Variants in SCHIP1 observed in about 807,000 individuals in gnomAD.
SCHIP1 encodes schwannomin-interacting protein 1.
In SCHIP1, 8 loss-of-function variants were observed where a neutral mutation model predicts 29.7. That is an observed-to-expected ratio of 0.27 (90% CI 0.16 to 0.49). SCHIP1 has a LOEUF of 0.49. SCHIP1 is among the 20% of genes least tolerant of loss of function. The pLI is 0.99. For missense variants in SCHIP1, 193 were observed against 294.6 expected (o/e 0.66, Z 2.52); for synonymous variants, 76 against 94.9 (o/e 0.80, Z 1.16).
chr3:159,277,874 C>T, the SCHIP1 span, among the ~76,000 whole-genome samples: 1 of 151,582 alleles, frequency 6.6e-6, no homozygotes, highest in Non-Finnish European at 1.5e-5. Context: ...GAGATCATAC[C>T]ATTGCACTCC....
At chr3:159,341,609 G>T in the SCHIP1 span, among the ~76,000 whole-genome samples, 1 of 152,144 alleles carries the variant, frequency 6.6e-6, no homozygotes, top group Non-Finnish European at 1.5e-5. Flanking sequence ...TGTGGGAGGA[G>T]CCATAGGTCT....
chr3:159,673,304 C>G, the SCHIP1 span, among the ~76,000 whole-genome samples: 2 of 152,220 alleles, frequency 1.3e-5, no homozygotes, highest in Non-Finnish European at 2.9e-5. Flanking sequence ...CTGCATGGCC[C>G]TGCTCTGGAG....
At chr3:159,502,078 G>C in the SCHIP1 span, among the ~76,000 whole-genome samples, 6 of 152,156 alleles carry the variant, frequency 3.9e-5, no homozygotes, top group Admixed American at 1.3e-4. Context: ...TTTGTAGAAA[G>C]TCAATGAATA....
At chr3:159,468,777 A>ATATATATATATATTT in the SCHIP1 span, among the ~76,000 whole-genome samples, 2 of 127,350 alleles carry the variant, frequency 1.6e-5, no homozygotes, top group African/African-American at 6.1e-5. Context: ...ATATATATAT[A>ATATATATATATATTT]TTTTTTTTAG....
At chr3:159,284,371 T>C in the SCHIP1 span, among the ~76,000 whole-genome samples, 1 of 152,198 alleles carries the variant, frequency 6.6e-6, no homozygotes, top group African/African-American at 2.4e-5. Context: ...TTAATATTTA[T>C]AATTTTGTTA....
the SCHIP1 span, among the ~76,000 whole-genome samples, chr3:159,530,542 A>C: frequency 1.3e-5 from 2 of 152,112 alleles, no homozygotes; most frequent in South Asian, 2.1e-4. Flanking sequence ...ATTCCTGGAA[A>C]TATCCATCTC....
chr3:159,848,727 T>G (rs1053428801), intron 1 of SCHIP1, among the ~76,000 whole-genome samples: 2 of 152,172 alleles, frequency 1.3e-5, no homozygotes, highest in African/African-American at 2.4e-5. Flanking sequence ...AGGGCTTACA[T>G]TTCTAGAAAG....
chr3:159,276,611 A>G, the SCHIP1 span, among the ~76,000 whole-genome samples: 1 of 152,218 alleles, frequency 6.6e-6, no homozygotes, highest in Non-Finnish European at 1.5e-5. Context: ...CTAACTAGGT[A>G]TGACCTGACT....
chr3:159,399,669 C>A, the SCHIP1 span, among the ~76,000 whole-genome samples: 1 of 152,026 alleles, frequency 6.6e-6, no homozygotes, highest in East Asian at 1.9e-4. Flanking sequence ...GATGAATCAC[C>A]TGAGAATGAA....
At chr3:159,394,097 A>G in the SCHIP1 span, among the ~76,000 whole-genome samples, 2 of 151,244 alleles carry the variant, frequency 1.3e-5, no homozygotes, top group African/African-American at 4.9e-5. Context: ...GAGTTCACTC[A>G]TGATTTGGCT....
chr3:159,506,496 T>A, the SCHIP1 span, among the ~76,000 whole-genome samples: 1 of 152,354 alleles, frequency 6.6e-6, no homozygotes, highest in Admixed American at 6.5e-5. Context: ...CAATTTTGGC[T>A]TTTGTTGCCA....
chr3:159,619,494 TA>T, the SCHIP1 span, among the ~76,000 whole-genome samples: 2 of 152,220 alleles, frequency 1.3e-5, no homozygotes, highest in Non-Finnish European at 2.9e-5. Flanking sequence ...TCAGTGGGCT[TA>T]AACGCTTTTT....
chr3:159,736,506 C>T, the SCHIP1 span, among the ~76,000 whole-genome samples: 1 of 152,198 alleles, frequency 6.6e-6, no homozygotes, highest in Admixed American at 6.5e-5. Context: ...AACTATTCTC[C>T]TTAAGCTTTT....
chr3:159,462,998 T>C, the SCHIP1 span, among the ~76,000 whole-genome samples: 2 of 152,194 alleles, frequency 1.3e-5, no homozygotes, highest in Non-Finnish European at 2.9e-5. Context: ...GACATATATG[T>C]GTACATATAT....
the SCHIP1 span, among the ~76,000 whole-genome samples, chr3:159,346,571 A>G: frequency 1.3e-5 from 2 of 152,206 alleles, no homozygotes; most frequent in Non-Finnish European, 2.9e-5. Flanking sequence ...GCTTTCTGCC[A>G]GATGGTGATT....
the SCHIP1 span, among the ~76,000 whole-genome samples, chr3:159,615,892 G>C: frequency 2.0e-5 from 3 of 152,200 alleles, no homozygotes; most frequent in African/African-American, 7.2e-5. Flanking sequence ...AAACATATTT[G>C]TCTATCCAGA....
chr3:159,295,374 A>G, the SCHIP1 span, among the ~76,000 whole-genome samples: 3 of 151,840 alleles, frequency 2.0e-5, no homozygotes, highest in Admixed American at 6.6e-5. Flanking sequence ...GGTTGCAGTG[A>G]GCCGAGATCA....
chr3:159,293,375 C>T, the SCHIP1 span, among the ~76,000 whole-genome samples: 41 of 152,258 alleles, frequency 2.7e-4, no homozygotes, highest in African/African-American at 8.9e-4. Context: ...GGAAAAGTGT[C>T]CTTGAGGCAT....
At chr3:159,791,089 T>C in the SCHIP1 span, among the ~76,000 whole-genome samples, 2 of 152,082 alleles carry the variant, frequency 1.3e-5, no homozygotes, top group African/African-American at 4.8e-5. Flanking sequence ...ATAGATAACC[T>C]AAGGCAAGGG....
Sources: allele counts gnomAD v4.1 joint callset (sites outside exome capture counted in the v4.1 genomes callset), GRCh38; gene constraint gnomAD v4.1.1; transcripts MANE v1.5; gene names NCBI Gene and HGNC (gene_info 2026-07-23, HGNC 2026-07-21).